Variants in FYB1 observed in about 807,000 individuals in gnomAD.
FYB1 encodes FYN binding protein 1.
In FYB1, 41 loss-of-function variants were observed where a neutral mutation model predicts 94.1. The observed-to-expected ratio is 0.44, with a 90% CI of 0.34 to 0.57. FYB1 has a LOEUF of 0.57. FYB1 is among the 20% of genes least tolerant of loss of function. The probability of loss-of-function intolerance (pLI) is 0.02; values close to 1 mark genes in which losing one functional copy is unlikely to be tolerated. For synonymous variants in FYB1, 367 were observed against 353.2 expected (o/e 1.04, Z -0.44); for missense variants, 1,050 against 976.8 (o/e 1.07, Z -1.00).
intron 2 of FYB1, among the ~76,000 whole-genome samples, chr5:39,154,141 C>T (rs1347739544): frequency 6.6e-6 from 1 of 152,152 alleles, no homozygotes; most frequent in Non-Finnish European, 1.5e-5. Context: ...ACGCATAACA[C>T]ACATACACAC....
At chr5:39,152,229 G>C (rs538177240) in intron 3 of FYB1, among the ~76,000 whole-genome samples, 2 of 152,282 alleles carry the variant, frequency 1.3e-5, no homozygotes, top group East Asian at 3.9e-4. Context: ...TAGCCAGGAA[G>C]CTGCTCTAGC....
At chr5:39,186,300 T>C (rs1746785326) in intron 2 of FYB1, among the ~76,000 whole-genome samples, 1 of 152,164 alleles carries the variant, frequency 6.6e-6, no homozygotes, top group African/African-American at 2.4e-5. Flanking sequence ...GGCACATGCC[T>C]GTAATCCCAG....
chr5:39,127,953 T>A (rs2150302896), intron 10 of FYB1, 146 bp from the exon 11 acceptor site: 1 of 778,996 alleles, frequency 1.3e-6, no homozygotes, highest in Admixed American at 3.9e-5. Context: ...AACACTTTGT[T>A]GATTATTTTA....
intron 2 of FYB1, among the ~76,000 whole-genome samples, chr5:39,193,489 T>A (rs1376127103): frequency 6.6e-6 from 1 of 152,148 alleles, no homozygotes; most frequent in African/African-American, 2.4e-5. Flanking sequence ...CAAAAAGTCA[T>A]GGCTAAGGGA....
intron 1 of FYB1, among the ~76,000 whole-genome samples, chr5:39,203,250 CTTTA>C (rs1229619247): frequency 6.6e-6 from 1 of 152,100 alleles, no homozygotes; most frequent in Non-Finnish European, 1.5e-5. Context: ...CAAATCCTTT[CTTTA>C]TTCTCACTGT....
intron 15 of FYB1, 21 bp from the exon 16 acceptor site, chr5:39,119,057 T>G: frequency 8.5e-7 from 1 of 1,173,280 alleles, no homozygotes; most frequent in Non-Finnish European, 1.1e-6. Context: ...AAGAACAATA[T>G]TTAAATTATT....
chr5:39,167,484 T>C lies in FYB1; in HGVS notation c.1136-13880A>G, dbSNP rs1056356680. ...AAGTGTTTACTGACCTTTGTATGTA[T>C]GCACAGGAATATCTGATTAAAAACC... On this transcript the variant is annotated intron_variant, in intron 2 of 18. Coordinates refer to ENST00000512982, the MANE Select transcript of FYB1 (RefSeq NM_001465.6). Among the ~76,000 whole-genome samples the C allele has an allele frequency of 3.9e-5, 6 of 152,354 alleles. No individual in the cohort carries two copies. In the South Asian group the frequency reaches 8.3e-4, roughly 21 times the overall value.
chr5:39,152,387 T>C (rs1743324766), intron 3 of FYB1, among the ~76,000 whole-genome samples: 1 of 152,246 alleles, frequency 6.6e-6, no homozygotes, highest in Admixed American at 6.5e-5. Context: ...AATATTGTTA[T>C]TAACAGTTTC....
At chr5:39,132,330 G>T (rs770345611) in intron 9 of FYB1, among the ~76,000 whole-genome samples, 4 of 152,184 alleles carry the variant, frequency 2.6e-5, no homozygotes, top group Non-Finnish European at 5.9e-5. Flanking sequence ...TAAGAACAAA[G>T]CATGTTCTGT....
At chr5:39,177,010 T>C (rs1276500263) in intron 2 of FYB1, among the ~76,000 whole-genome samples, 1 of 152,224 alleles carries the variant, frequency 6.6e-6, no homozygotes, top group African/African-American at 2.4e-5. Flanking sequence ...GGAAGGCAGT[T>C]ATCCTCATTC....
intron 2 of FYB1, among the ~76,000 whole-genome samples, chr5:39,168,110 T>G (rs1353723350): frequency 4.6e-5 from 7 of 152,218 alleles, no homozygotes; most frequent in Non-Finnish European, 8.8e-5. Flanking sequence ...TAATAAACCT[T>G]TGCAATTGGT....
At chr5:39,243,027 A>C (rs1399990956) in intron 1 of FYB1, among the ~76,000 whole-genome samples, 2 of 152,130 alleles carry the variant, frequency 1.3e-5, no homozygotes, top group African/African-American at 4.8e-5. Flanking sequence ...TTCATTGTAG[A>C]TTCTGGATAT....
chr5:39,203,150 G>A (rs1414738594), intron 1 of FYB1, 163 bp from the exon 2 acceptor site: 6 of 628,222 alleles, frequency 9.6e-6, no homozygotes, highest in Admixed American at 3.1e-5. Context: ...AATAAGTTGC[G>A]AGAGTTTCTT....
intron 2 of FYB1, among the ~76,000 whole-genome samples, chr5:39,157,328 C>T (rs1294230767): frequency 6.6e-6 from 1 of 152,116 alleles, no homozygotes; most frequent in African/African-American, 2.4e-5. Flanking sequence ...TATTTTTCCT[C>T]TTAGTGTGAT....
intron 1 of FYB1, among the ~76,000 whole-genome samples, chr5:39,251,124 T>C (rs999693156): frequency 7.9e-5 from 12 of 152,166 alleles, no homozygotes; most frequent in African/African-American, 2.7e-4. Flanking sequence ...CCTTGAGTGA[T>C]TTGTTGTTTA....
chr5:39,125,991 C>T lies in FYB1; in HGVS notation c.2045+7G>A. 6.2e-7 allele frequency: 1 copy of T among 1,612,700 alleles called. No homozygotes were observed. Among genetic ancestry groups the T allele is most frequent in the Non-Finnish European group, 8.5e-7 (1 of 1,179,344 alleles). On this transcript the variant is annotated splice_region_variant and intron_variant, in intron 12 of 18. Transcript: ENST00000512982. The stretch of plus-strand genomic sequence containing the variant: ...TTGTACACTGGATTTGGTTGGTTGA[C>T]TCTTACGATGAACCTTCATTATTGT...
chr5:39,244,217 G>T (rs1751358876), intron 1 of FYB1, among the ~76,000 whole-genome samples: 1 of 152,016 alleles, frequency 6.6e-6, no homozygotes, highest in Admixed American at 6.6e-5. Flanking sequence ...CCTGTCTTGT[G>T]CCAGTTTTCA....
chr5:39,196,215 T>TC (rs1198965055), intron 2 of FYB1, among the ~76,000 whole-genome samples: 1 of 150,388 alleles, frequency 6.6e-6, no homozygotes, highest in Non-Finnish European at 1.5e-5. Flanking sequence ...TTTCTTTTTT[T>TC]TTTTTTTTTT....
At chr5:39,165,687 TG>T (rs1428938863) in intron 2 of FYB1, among the ~76,000 whole-genome samples, 2 of 152,150 alleles carry the variant, frequency 1.3e-5, no homozygotes, top group Non-Finnish European at 2.9e-5. Context: ...AATAATCAAC[TG>T]AATAAGCAGA....
Sources: gnomAD v4.1 joint callset for allele counts (sites outside exome capture counted in the v4.1 genomes callset) on GRCh38, gnomAD v4.1.1 for gene constraint, MANE v1.5 for transcripts, NCBI Gene and HGNC (gene_info 2026-07-23, HGNC 2026-07-21) for gene names.